Variants in ZNF407 observed in about 807,000 individuals in gnomAD.
ZNF407 encodes the protein zinc finger protein 407.
In ZNF407, 17 loss-of-function variants were observed where a neutral mutation model predicts 131.2. The ratio of observed to expected loss-of-function variants is 0.13; its 90% CI spans 0.09 to 0.19. The LOEUF is 0.19. ZNF407 is among the 10% of genes least tolerant of loss of function. ZNF407 has a pLI of 1.00. For missense variants in ZNF407, 2,681 were observed against 2,830.6 expected (o/e 0.95, Z 1.20); for synonymous variants, 1,156 against 1,062.0 (o/e 1.09, Z -1.72).
intron 3 of ZNF407, among the ~76,000 whole-genome samples, chr18:74,776,916 G>A (rs1969484636): frequency 6.6e-6 from 1 of 152,174 alleles, no homozygotes; most frequent in Non-Finnish European, 1.5e-5. Flanking sequence ...CATCATAAAG[G>A]ACTTCATCCT....
intron 4 of ZNF407, among the ~76,000 whole-genome samples, chr18:74,783,555 T>G (rs975363711): frequency 2.0e-5 from 3 of 152,104 alleles, no homozygotes; most frequent in Non-Finnish European, 4.4e-5. Context: ...ATTTACTGTT[T>G]TTTTTTTTCA....
chr18:74,624,267 C>A (rs1166662482), intron 1 of ZNF407, among the ~76,000 whole-genome samples: 2 of 152,058 alleles, frequency 1.3e-5, no homozygotes, highest in East Asian at 1.9e-4. Flanking sequence ...AAAAATGAGG[C>A]CTTAAACTGT....
At chr18:74,848,783 A>T (rs1970737614) in intron 4 of ZNF407, among the ~76,000 whole-genome samples, 1 of 152,140 alleles carries the variant, frequency 6.6e-6, no homozygotes, top group Admixed American at 6.5e-5. Flanking sequence ...CCACAGTATA[A>T]AGGTGAGAAG....
In ZNF407 at chr18:74,779,109, A is replaced by ATATAT. The variant is rs397943457; in HGVS notation, c.4803-2318_4803-2317insATATT. 2.5e-3 allele frequency among the ~76,000 whole-genome samples: 62 copies of ATATAT among 24,388 alleles called. 4 individuals carry two copies. The highest frequency in any genetic ancestry group is 8.0e-3 in the African/African-American group (58 of 7,232). 16.0% of individuals were successfully genotyped at this position (24,388 alleles called of 152,430 possible). Reference sequence around the variant, plus strand: ...TTGGCATATATATATATATATATATATTTTTTTTTTTTTTTTTTTTTTTTG... The same window carrying ATATAT: ...TTGGCATATATATATATATATATATATATATTTTTTTTTTTTTTTTTTTTTTTTTG... On this transcript the variant is annotated intron_variant, in intron 3 of 8. Coordinates refer to ENST00000299687, the MANE Select transcript of ZNF407 (RefSeq NM_017757.3).
At chr18:74,839,891 A>C (rs1970608493) in intron 4 of ZNF407, among the ~76,000 whole-genome samples, 1 of 152,170 alleles carries the variant, frequency 6.6e-6, no homozygotes, top group South Asian at 2.1e-4. Context: ...GAGTCAAAAA[A>C]CAGAAAACAC....
At chr18:74,604,769 A>T (rs943085581) in intron 1 of ZNF407, among the ~76,000 whole-genome samples, 6 of 152,240 alleles carry the variant, frequency 3.9e-5, no homozygotes, top group African/African-American at 1.4e-4. Flanking sequence ...CTCTGTACAT[A>T]CATCATGTAA....
intron 1 of ZNF407, among the ~76,000 whole-genome samples, chr18:74,621,252 G>C (rs1265282715): frequency 6.6e-6 from 1 of 152,018 alleles, no homozygotes; most frequent in African/African-American, 2.4e-5. Flanking sequence ...TGAAGCAATA[G>C]GTAATTCCTT....
At chr18:74,646,555 GTC>G (rs2144699882) in intron 3 of ZNF407, among the ~76,000 whole-genome samples, 1 of 152,236 alleles carries the variant, frequency 6.6e-6, no homozygotes, top group Non-Finnish European at 1.5e-5. Context: ...GATGATTGCT[GTC>G]TCTCTACCTC....
intron 1 of ZNF407, among the ~76,000 whole-genome samples, chr18:74,603,528 A>G (rs144908571): frequency 6.2e-4 from 94 of 152,350 alleles, no homozygotes; most frequent in African/African-American, 2.2e-3. Context: ...CAACCATGTA[A>G]GGCAGGCCAC....
intron 1 of ZNF407, 40 bp downstream of exon 1, chr18:74,597,977 G>T (rs1402580365): frequency 6.6e-6 from 1 of 152,558 alleles, no homozygotes; most frequent in Admixed American, 6.5e-5. Flanking sequence ...TTTGGAGGCG[G>T]GGACCGTCCA....
At chr18:75,021,321 T>C (rs1041932143) in intron 8 of ZNF407, among the ~76,000 whole-genome samples, 1 of 151,880 alleles carries the variant, frequency 6.6e-6, no homozygotes, top group African/African-American at 2.4e-5. Flanking sequence ...CAGGCTGGAG[T>C]ACAGTGGTGC....
intron 1 of ZNF407, among the ~76,000 whole-genome samples, chr18:74,607,151 A>G (rs1213190659): frequency 1.4e-4 from 21 of 152,148 alleles, no homozygotes. Context: ...TTGCTCCTCC[A>G]TTGGTGGTTC....
intron 8 of ZNF407, among the ~76,000 whole-genome samples, chr18:75,046,184 G>T (rs548023341): frequency 1.1e-4 from 16 of 152,158 alleles, no homozygotes; most frequent in Non-Finnish European, 1.9e-4. Context: ...GGAGGTGGAG[G>T]TATGTTCCAT....
At chr18:74,793,620 T>C (rs756622006) in intron 4 of ZNF407, among the ~76,000 whole-genome samples, 1 of 152,212 alleles carries the variant, frequency 6.6e-6, no homozygotes, top group Non-Finnish European at 1.5e-5. Context: ...TAGAAAATTA[T>C]TAGTGTTTAT....
chr18:74,787,990 T>A (rs1290342171), intron 4 of ZNF407, among the ~76,000 whole-genome samples: 2 of 152,232 alleles, frequency 1.3e-5, no homozygotes, highest in Non-Finnish European at 2.9e-5. Context: ...TGTACTTGTC[T>A]CTAACACTTC....
intron 1 of ZNF407, among the ~76,000 whole-genome samples, chr18:74,608,355 CT>C (rs375136326): frequency 6.1e-5 from 9 of 146,456 alleles, no homozygotes; most frequent in Admixed American, 6.8e-5. Flanking sequence ...TTTTAGATTT[CT>C]TTTTTTTTTG....
chr18:74,646,933 G>A (rs917830446), intron 3 of ZNF407, among the ~76,000 whole-genome samples: 3 of 152,092 alleles, frequency 2.0e-5, no homozygotes, highest in Non-Finnish European at 2.9e-5. Flanking sequence ...TGCCACAGAA[G>A]GGTGGGGTCG....
At chr18:74,626,229 G>A (rs1983778561) in intron 1 of ZNF407, among the ~76,000 whole-genome samples, 1 of 152,234 alleles carries the variant, frequency 6.6e-6, no homozygotes, top group South Asian at 2.1e-4. Context: ...TGGTGAGGGT[G>A]TGGGCCAAAC....
intron 8 of ZNF407, among the ~76,000 whole-genome samples, chr18:74,998,025 G>C (rs1284297173): frequency 2.6e-5 from 4 of 152,150 alleles, no homozygotes; most frequent in Non-Finnish European, 4.4e-5. Context: ...TGCGGAATGT[G>C]CAAGTGATGT....
Sources: allele counts gnomAD v4.1 joint callset (sites outside exome capture counted in the v4.1 genomes callset), GRCh38; gene constraint gnomAD v4.1.1; transcripts MANE v1.5; gene names NCBI Gene and HGNC (gene_info 2026-07-23, HGNC 2026-07-21).